NPAS3: variants seen among roughly 807,000 people sequenced by gnomAD.
NPAS3 encodes the protein neuronal PAS domain protein 3, also known as neuronal PAS domain-containing protein 3.
A neutral mutation model predicts 73.1 loss-of-function variants in NPAS3; 14 were observed. The ratio of observed to expected loss-of-function variants is 0.19; its 90% CI spans 0.13 to 0.30. NPAS3 has a LOEUF of 0.30. Among genes scored for constraint, NPAS3 ranks in the 10% least tolerant of loss-of-function variants. The pLI is 1.00. For synonymous variants in NPAS3, 620 were observed against 541.5 expected, an observed-to-expected ratio of 1.14 and a Z score of -2.01; for missense variants, 1,096 against 1,250.0, an observed-to-expected ratio of 0.88 and a Z score of 1.86.
chr14:33,727,597 A>T (rs2061303876), intron 6 of NPAS3, among the ~76,000 whole-genome samples: 1 of 151,618 alleles, frequency 6.6e-6, no homozygotes, highest in Non-Finnish European at 1.5e-5. Flanking sequence ...GTCTGACATG[A>T]TGTTTGTCAT....
intron 4 of NPAS3, among the ~76,000 whole-genome samples, chr14:33,399,159 C>G (rs2047345019): frequency 6.6e-6 from 1 of 152,088 alleles, no homozygotes; most frequent in African/African-American, 2.4e-5. Flanking sequence ...TGGGTTGCTT[C>G]TAATGATTTC....
At chr14:33,246,201 GAT>G (rs1217560357) in intron 3 of NPAS3, among the ~76,000 whole-genome samples, 1 of 152,094 alleles carries the variant, frequency 6.6e-6, no homozygotes, top group Non-Finnish European at 1.5e-5. Context: ...GACAGCATGA[GAT>G]AAGCTGAGTG....
At chr14:33,538,068 G>A (rs570859754) in intron 4 of NPAS3, among the ~76,000 whole-genome samples, 3 of 151,802 alleles carry the variant, frequency 2.0e-5, no homozygotes. Context: ...ATTGGAACAC[G>A]AATTAATGAA....
At chr14:33,645,985 T>G (rs1029647723) in intron 5 of NPAS3, among the ~76,000 whole-genome samples, 1 of 152,150 alleles carries the variant, frequency 6.6e-6, no homozygotes, top group African/African-American at 2.4e-5. Flanking sequence ...ATGTATGTCT[T>G]TGCAAGGGGA....
chr14:33,742,405 T>G (rs2061677439), intron 7 of NPAS3, among the ~76,000 whole-genome samples: 1 of 152,210 alleles, frequency 6.6e-6, no homozygotes, highest in African/African-American at 2.4e-5. Flanking sequence ...GTCACATGAA[T>G]TTTTTGGTTT....
intron 2 of NPAS3, among the ~76,000 whole-genome samples, chr14:33,145,519 C>T (rs968305849): frequency 2.0e-5 from 3 of 152,146 alleles, no homozygotes; most frequent in South Asian, 2.1e-4. Context: ...TTTTCCCTCC[C>T]GTCGTGATAG....
chr14:33,561,450 C>T (rs922704591), intron 5 of NPAS3, among the ~76,000 whole-genome samples: 11 of 152,210 alleles, frequency 7.2e-5, no homozygotes, highest in African/African-American at 2.7e-4. Flanking sequence ...TGCAAGCTCT[C>T]AGCTATAGTG....
At chr14:33,402,234 G>C (rs1040655068) in intron 4 of NPAS3, among the ~76,000 whole-genome samples, 1 of 152,124 alleles carries the variant, frequency 6.6e-6, no homozygotes, top group Middle Eastern at 3.4e-3. Flanking sequence ...GTGTCCTTTT[G>C]TGCCCCAAGC....
rs116252542 is a variant in NPAS3, at chr14:33,479,161, A to G, written c.469-80960A>G. 2.8e-3 allele frequency among the ~76,000 whole-genome samples: 421 copies of G among 152,352 alleles called. 3 individuals carry two copies. The highest frequency in any genetic ancestry group is 9.6e-3 in the African/African-American group (399 of 41,598). On this transcript the variant is annotated intron_variant, in intron 4 of 11. Transcript: ENST00000356141. ...TGCGCTTTAATATTTCTTTGTGCTAAGGTACCTCAGCTATTTCATTATGCC... is the reference window on the plus strand; with the variant it reads ...TGCGCTTTAATATTTCTTTGTGCTAGGGTACCTCAGCTATTTCATTATGCC...
intron 6 of NPAS3, among the ~76,000 whole-genome samples, chr14:33,703,501 A>G (rs546461633): frequency 1.1e-4 from 17 of 152,206 alleles, no homozygotes; most frequent in African/African-American, 4.1e-4. Flanking sequence ...CTCTTAAATA[A>G]ATCATTGACT....
chr14:33,298,843 C>A (rs1566772548), intron 3 of NPAS3, among the ~76,000 whole-genome samples: 1 of 152,206 alleles, frequency 6.6e-6, no homozygotes, highest in Non-Finnish European at 1.5e-5. Context: ...GAATTTGAAT[C>A]ATTAGGAAAA....
At chr14:33,502,032 T>G (rs1458609044) in intron 4 of NPAS3, among the ~76,000 whole-genome samples, 3 of 151,874 alleles carry the variant, frequency 2.0e-5, no homozygotes, top group Non-Finnish European at 4.4e-5. Context: ...AAAATTAATT[T>G]CAAGCCTTGA....
intron 2 of NPAS3, chr14:33,214,805 T>C (rs568285208): frequency 1.6e-5 from 3 of 188,304 alleles, no homozygotes; most frequent in African/African-American, 7.2e-5. Flanking sequence ...AAGTATTAGT[T>C]TGAAATAGAT....
At chr14:33,697,418 T>C (rs1323629405) in intron 6 of NPAS3, among the ~76,000 whole-genome samples, 2 of 152,212 alleles carry the variant, frequency 1.3e-5, no homozygotes, top group East Asian at 3.8e-4. Context: ...TTTTGAATGA[T>C]TTATTCTCCA....
At chr14:33,510,113 T>G (rs1444112122) in intron 4 of NPAS3, among the ~76,000 whole-genome samples, 1 of 152,054 alleles carries the variant, frequency 6.6e-6, no homozygotes, top group African/African-American at 2.4e-5. Flanking sequence ...CAATTTCCAG[T>G]GCGAGCTGGA....
At chr14:33,087,311 A>G (rs2042071358) in intron 2 of NPAS3, among the ~76,000 whole-genome samples, 1 of 145,680 alleles carries the variant, frequency 6.9e-6, no homozygotes, top group African/African-American at 2.6e-5. Context: ...AAAATTAAAG[A>G]CTTCAAGCCT....
chr14:33,528,813 C>T (rs116516295), intron 4 of NPAS3, among the ~76,000 whole-genome samples: 58 of 152,246 alleles, frequency 3.8e-4, no homozygotes, highest in African/African-American at 1.3e-3. Flanking sequence ...ACAACAGCAA[C>T]TGATAATTAT....
At chr14:33,567,642 T>C (rs2056025346) in intron 5 of NPAS3, among the ~76,000 whole-genome samples, 2 of 152,314 alleles carry the variant, frequency 1.3e-5, no homozygotes, top group South Asian at 4.1e-4. Context: ...GCATTAGAAA[T>C]CGGTAGAATA....
At position 33,789,583 on chromosome 14, in the gene NPAS3, C is replaced by CTTTTTTTTTTT. The variant is rs10567527; in HGVS notation, c.1154-4301_1154-4291dup. Among the ~76,000 whole-genome samples, 136 of 92,394 alleles carry CTTTTTTTTTTT rather than the reference C, an allele frequency of 1.5e-3. 11 individuals are homozygous for CTTTTTTTTTTT. The highest frequency in any genetic ancestry group is 4.9e-3 in the African/African-American group (112 of 23,070). The allele number at this position is 92,394 out of a possible 152,430, so 60.6% of individuals were successfully genotyped here. The stretch of plus-strand genomic sequence containing the variant: ...ACTAAAAGTAATTACTAGAGTACAA[C>CTTTTTTTTTTT]TTTTTTTTTTTTTTTTTTTTTTTGA... On this transcript the variant is annotated intron_variant, in intron 9 of 11. Coordinates refer to ENST00000356141, the Ensembl canonical transcript of NPAS3.
Sources: gnomAD v4.1 joint callset for allele counts (sites outside exome capture counted in the v4.1 genomes callset) on GRCh38, gnomAD v4.1.1 for gene constraint, MANE v1.5 for transcripts, NCBI Gene and HGNC (gene_info 2026-07-23, HGNC 2026-07-21) for gene names.